The following ZNF521 variants were observed in gnomAD, a reference collection of about 807,000 sequenced individuals.
ZNF521 encodes zinc finger protein 521, also known as LYST-interacting protein 3.
Under a neutral mutation model 105.5 loss-of-function variants are expected in ZNF521, and 14 were observed. The ratio of observed to expected loss-of-function variants is 0.13; its 90% CI spans 0.09 to 0.21. ZNF521 has a LOEUF of 0.21. Ranked by LOEUF, ZNF521 falls within the 10% of genes least tolerant of loss-of-function variation. ZNF521 has a pLI of 1.00. For synonymous variants in ZNF521, 635 were observed against 606.0 expected, an observed-to-expected ratio of 1.05 and a Z score of -0.70; for missense variants, 1,233 against 1,629.7, an observed-to-expected ratio of 0.76 and a Z score of 4.19.
chr18:25,238,011 C>T (rs993301668), intron 3 of ZNF521, among the ~76,000 whole-genome samples: 12 of 152,102 alleles, frequency 7.9e-5, no homozygotes, highest in African/African-American at 2.9e-4. Flanking sequence ...AATAGGTCAA[C>T]GAGGATGAGT....
At chr18:25,206,158 C>T (rs772705555) in intron 4 of ZNF521, among the ~76,000 whole-genome samples, 4 of 152,084 alleles carry the variant, frequency 2.6e-5, no homozygotes, top group Non-Finnish European at 1.5e-5. Context: ...CATGAGCTAC[C>T]TCGCCCAGCT....
chr18:25,205,267 C>T (rs2036061391), intron 4 of ZNF521, among the ~76,000 whole-genome samples: 1 of 150,322 alleles, frequency 6.7e-6, no homozygotes, highest in African/African-American at 2.5e-5. Flanking sequence ...TATTTGAAGA[C>T]ATTTATAATT....
At chr18:25,339,361 CAT>C (rs1914073652) in intron 2 of ZNF521, among the ~76,000 whole-genome samples, 1 of 152,212 alleles carries the variant, frequency 6.6e-6, no homozygotes, top group Admixed American at 6.5e-5. Flanking sequence ...CATTCGAAAA[CAT>C]ATGAAACTTC....
intron 4 of ZNF521, among the ~76,000 whole-genome samples, chr18:25,216,253 CATAAAAA>C (rs1203396855): frequency 6.6e-6 from 1 of 152,040 alleles, no homozygotes; most frequent in Non-Finnish European, 1.5e-5. Context: ...ATACAAAAAC[CATAAAAA>C]ATATTGATTC....
chr18:25,065,668 T>G (rs1410947679), intron 7 of ZNF521, among the ~76,000 whole-genome samples: 1 of 152,238 alleles, frequency 6.6e-6, no homozygotes, highest in Non-Finnish European at 1.5e-5. Context: ...TACATTATTT[T>G]CAAATGTTTA....
chr18:25,197,129 T>C (rs2144640754), intron 4 of ZNF521, among the ~76,000 whole-genome samples: 1 of 151,976 alleles, frequency 6.6e-6, no homozygotes, highest in Middle Eastern at 3.4e-3. Context: ...AAGTTTTCTT[T>C]TATCATTGAA....
chr18:25,263,379 CAG>C (rs1218317028), intron 3 of ZNF521, among the ~76,000 whole-genome samples: 4 of 151,054 alleles, frequency 2.6e-5, no homozygotes, highest in African/African-American at 9.7e-5. Flanking sequence ...TTTTTTGAGA[CAG>C]AGTTTCACTC....
At chr18:25,145,271 C>T (rs2034921867) in intron 5 of ZNF521, among the ~76,000 whole-genome samples, 1 of 152,150 alleles carries the variant, frequency 6.6e-6, no homozygotes, top group African/African-American at 2.4e-5. Flanking sequence ...ATTTCTCCCC[C>T]TCTTTATTGA....
intron 3 of ZNF521, among the ~76,000 whole-genome samples, chr18:25,256,304 G>GC (rs1908500970): frequency 6.6e-6 from 1 of 151,962 alleles, no homozygotes; most frequent in Admixed American, 6.6e-5. Flanking sequence ...TTTCAGTTTT[G>GC]CAAGATGAAA....
At chr18:25,281,546 C>T (rs1044291971) in intron 3 of ZNF521, among the ~76,000 whole-genome samples, 1 of 152,218 alleles carries the variant, frequency 6.6e-6, no homozygotes, top group African/African-American at 2.4e-5. Flanking sequence ...AGCTAACAGT[C>T]ATTGAACACT....
intron 7 of ZNF521, among the ~76,000 whole-genome samples, chr18:25,074,586 C>T (rs1468458755): frequency 6.6e-6 from 1 of 152,096 alleles, no homozygotes; most frequent in Non-Finnish European, 1.5e-5. Flanking sequence ...TGGTTGGGTG[C>T]ATTTCCTATT....
intron 5 of ZNF521, among the ~76,000 whole-genome samples, chr18:25,099,259 G>T (rs1319371506): frequency 5.3e-5 from 8 of 152,184 alleles, no homozygotes; most frequent in Non-Finnish European, 1.5e-5. Flanking sequence ...TGCCAAGACT[G>T]ATGGTAAAAC....
intron 3 of ZNF521, among the ~76,000 whole-genome samples, chr18:25,319,983 G>A (rs1912850590): frequency 6.6e-6 from 1 of 152,150 alleles, no homozygotes; most frequent in Non-Finnish European, 1.5e-5. Flanking sequence ...AAATGTCATG[G>A]TCAGGAAAGA....
At chr18:25,071,134 A>T (rs891050545) in intron 7 of ZNF521, among the ~76,000 whole-genome samples, 1 of 152,200 alleles carries the variant, frequency 6.6e-6, no homozygotes, top group Non-Finnish European at 1.5e-5. Context: ...TCATTATAAG[A>T]TGGTATTTTC....
intron 7 of ZNF521, among the ~76,000 whole-genome samples, chr18:25,078,794 G>T (rs1599976394): frequency 6.6e-6 from 1 of 152,192 alleles, no homozygotes; most frequent in African/African-American, 2.4e-5. Context: ...CTATGAACGA[G>T]GTGCAGTTTC....
intron 5 of ZNF521, among the ~76,000 whole-genome samples, chr18:25,179,462 A>G (rs2035593852): frequency 6.6e-6 from 1 of 151,738 alleles, no homozygotes; most frequent in African/African-American, 2.4e-5. Context: ...GGTGGTAGTG[A>G]TGTGTGTGTG....
At chr18:25,298,208 T>C (rs1004918919) in intron 3 of ZNF521, among the ~76,000 whole-genome samples, 8 of 152,168 alleles carry the variant, frequency 5.3e-5, no homozygotes, top group African/African-American at 1.9e-4. Context: ...CCCAAAGAAA[T>C]ACAAAATTTA....
chr18:25,253,950 G>A (rs1908294816), intron 3 of ZNF521, among the ~76,000 whole-genome samples: 1 of 152,052 alleles, frequency 6.6e-6, no homozygotes. Context: ...CAACTCTTCA[G>A]TTACTCTGAC....
intron 3 of ZNF521, among the ~76,000 whole-genome samples, chr18:25,258,737 C>G (rs1030234009): frequency 2.6e-5 from 4 of 152,082 alleles, no homozygotes; most frequent in Non-Finnish European, 5.9e-5. Flanking sequence ...AGACTGAGAA[C>G]TAGCCTATCA....
Sources: gnomAD v4.1 joint callset for allele counts (sites outside exome capture counted in the v4.1 genomes callset) on GRCh38, gnomAD v4.1.1 for gene constraint, MANE v1.5 for transcripts, NCBI Gene and HGNC (gene_info 2026-07-23, HGNC 2026-07-21) for gene names.